Variants in TMEM132B observed in about 807,000 individuals in gnomAD.
The protein encoded by TMEM132B is transmembrane protein 132B.
TMEM132B carries 18 observed loss-of-function variants against 90.8 expected under a neutral mutation model. The ratio of observed to expected loss-of-function variants is 0.20; its 90% CI spans 0.14 to 0.29. TMEM132B has a LOEUF of 0.29. Among genes scored for constraint, TMEM132B ranks in the 10% least tolerant of loss-of-function variants. The probability of loss-of-function intolerance (pLI) is 1.00; values close to 1 mark genes in which losing one functional copy is unlikely to be tolerated. For missense variants in TMEM132B, 1,096 were observed against 1,326.8 expected (o/e 0.83, Z 2.70); for synonymous variants, 504 against 523.3 (o/e 0.96, Z 0.50).
At chr12:125,566,358 C>T (rs1028155413) in intron 4 of TMEM132B, among the ~76,000 whole-genome samples, 1 of 152,132 alleles carries the variant, frequency 6.6e-6, no homozygotes, top group Admixed American at 6.5e-5. Flanking sequence ...GTAAGGGTTT[C>T]CTCCTCATAG....
intron 5 of TMEM132B, among the ~76,000 whole-genome samples, chr12:125,638,178 T>C (rs1886536423): frequency 6.6e-6 from 1 of 152,194 alleles, no homozygotes; most frequent in Non-Finnish European, 1.5e-5. Flanking sequence ...AAACATGCTC[T>C]GCCTTTCACC....
At chr12:125,431,215 A>C (rs1374883731) in intron 3 of TMEM132B, among the ~76,000 whole-genome samples, 1 of 152,018 alleles carries the variant, frequency 6.6e-6, no homozygotes, top group African/African-American at 2.4e-5. Context: ...GCAAGGGTGG[A>C]GCCTGGGAGC....
chr12:125,435,761 G>A (rs936219234), intron 3 of TMEM132B, among the ~76,000 whole-genome samples: 4 of 152,180 alleles, frequency 2.6e-5, no homozygotes, highest in Admixed American at 6.5e-5. Flanking sequence ...CAGGAAGTCA[G>A]GGATGAGCTC....
At chr12:125,462,937 CT>C (rs939103870) in intron 3 of TMEM132B, among the ~76,000 whole-genome samples, 1 of 152,172 alleles carries the variant, frequency 6.6e-6, no homozygotes. Flanking sequence ...TGCTGAGTAG[CT>C]AAGCTTAGGA....
At chr12:125,637,482 T>C (rs1886513154) in intron 5 of TMEM132B, among the ~76,000 whole-genome samples, 1 of 152,014 alleles carries the variant, frequency 6.6e-6, no homozygotes, top group Non-Finnish European at 1.5e-5. Context: ...CACAGCTTGG[T>C]TTTATACATT....
intron 1 of TMEM132B, among the ~76,000 whole-genome samples, chr12:125,347,328 C>T (rs191016033): frequency 1.6e-4 from 24 of 152,276 alleles, no homozygotes; most frequent in Admixed American, 1.3e-4. Context: ...AATTACCCTG[C>T]TGGAGTAATG....
At chr12:125,274,226 C>T (rs1051996462) in intron 1 of TMEM132B, among the ~76,000 whole-genome samples, 1 of 152,188 alleles carries the variant, frequency 6.6e-6, no homozygotes, top group Non-Finnish European at 1.5e-5. Flanking sequence ...CAGTGATTCA[C>T]CCCCTTCTAC....
At chr12:125,267,202 A>T (rs1197524192) in intron 1 of TMEM132B, among the ~76,000 whole-genome samples, 2 of 152,102 alleles carry the variant, frequency 1.3e-5, no homozygotes, top group Admixed American at 1.3e-4. Flanking sequence ...CCTGAGACCC[A>T]GGGGTTTCCA....
chr12:125,477,707 G>C lies in TMEM132B; in HGVS notation c.1107-41732G>C, dbSNP rs118178947. ...TCCTTTTAAAGTGTAGATAGAAAAA[G>C]TCCCTGTCTGACAGCTCTGAAGAGA... On this transcript the variant is annotated intron_variant, in intron 3 of 8. Coordinates refer to ENST00000682704, the MANE Select transcript of TMEM132B (RefSeq NM_001366854.1). Among the ~76,000 whole-genome samples, 354 of 152,236 alleles carry C rather than the reference G, an allele frequency of 2.3e-3. 13 individuals are homozygous for C. In the East Asian group the frequency reaches 0.063, roughly 27 times the overall value.
intron 5 of TMEM132B, 157 bp downstream of exon 5, chr12:125,584,151 C>T: frequency 1.9e-6 from 2 of 1,050,246 alleles, no homozygotes; most frequent in Non-Finnish European, 2.9e-6. Flanking sequence ...ACCGCAGAGA[C>T]TCCCTGGAAT....
intron 2 of TMEM132B, among the ~76,000 whole-genome samples, chr12:125,382,788 C>A (rs188410423): frequency 6.6e-6 from 1 of 152,140 alleles, no homozygotes; most frequent in Non-Finnish European, 1.5e-5. Flanking sequence ...TATTCCAGAT[C>A]GGGCTAACTT....
At chr12:125,253,905 CTT>C (rs1457901801) in intron 1 of TMEM132B, among the ~76,000 whole-genome samples, 1 of 152,192 alleles carries the variant, frequency 6.6e-6, no homozygotes, top group African/African-American at 2.4e-5. Flanking sequence ...GCATCACTCT[CTT>C]GAACAATGTT....
intron 1 of TMEM132B, among the ~76,000 whole-genome samples, chr12:125,273,125 G>A (rs1874886154): frequency 6.6e-6 from 1 of 151,706 alleles, no homozygotes; most frequent in Admixed American, 6.6e-5. Flanking sequence ...CTACTACTTA[G>A]TTAAGAAAAA....
chr12:125,227,668 G>A (rs12371601), intron 1 of TMEM132B, among the ~76,000 whole-genome samples: 5,485 of 152,190 alleles, frequency 0.036, 130 homozygotes, highest in Non-Finnish European at 0.049. Flanking sequence ...AGCAGCTTAG[G>A]GACCAAGGCA....
At chr12:125,649,154 G>A (rs1886843096) in intron 6 of TMEM132B, among the ~76,000 whole-genome samples, 1 of 152,120 alleles carries the variant, frequency 6.6e-6, no homozygotes. Context: ...TTATGCTATT[G>A]TGCTGGTGAA....
intron 1 of TMEM132B, among the ~76,000 whole-genome samples, chr12:125,231,987 T>G (rs1873837013): frequency 6.6e-6 from 1 of 152,188 alleles, no homozygotes; most frequent in Admixed American, 6.5e-5. Context: ...TGTGTGTGTT[T>G]TTTAAAAATC....
In TMEM132B at chr12:125,222,500, ACAGC is replaced by A. The variant is rs574063335; in HGVS notation, c.67+35635_67+35638del. 3.2e-3 allele frequency among the ~76,000 whole-genome samples: 484 copies of A among 152,320 alleles called. 5 individuals are homozygous for A. Among genetic ancestry groups the A allele is most frequent in the African/African-American group, 0.011 (455 of 41,576 alleles). On this transcript the variant is annotated intron_variant, in intron 1 of 8. Coordinates refer to ENST00000682704, the MANE Select transcript of TMEM132B (RefSeq NM_001366854.1). ...CTCTCCATAAATATAGGGACTCCATACAGCAATATGGGGGATTTTCACTTTCTGA... is the reference window on the plus strand; with the variant it reads ...CTCTCCATAAATATAGGGACTCCATAAATATGGGGGATTTTCACTTTCTGA...
intron 2 of TMEM132B, among the ~76,000 whole-genome samples, chr12:125,395,163 A>G (rs1331037529): frequency 6.6e-6 from 1 of 152,242 alleles, no homozygotes; most frequent in Non-Finnish European, 1.5e-5. Context: ...GTCTTCATGG[A>G]CAGGAAATAT....
At chr12:125,633,958 G>C (rs1245362341) in intron 5 of TMEM132B, among the ~76,000 whole-genome samples, 1 of 152,144 alleles carries the variant, frequency 6.6e-6, no homozygotes, top group African/African-American at 2.4e-5. Flanking sequence ...CAAGGCCCTG[G>C]GGCTCTACAA....
Sources: gnomAD v4.1 joint callset for allele counts (sites outside exome capture counted in the v4.1 genomes callset) on GRCh38, gnomAD v4.1.1 for gene constraint, MANE v1.5 for transcripts, NCBI Gene and HGNC (gene_info 2026-07-23, HGNC 2026-07-21) for gene names.